The following GALNT9 variants were observed in gnomAD, a reference collection of about 807,000 sequenced individuals.
The protein encoded by GALNT9 is GalNAc transferase 9.
Under a neutral mutation model 63.1 loss-of-function variants are expected in GALNT9, and 47 were observed. The observed-to-expected ratio is 0.75, with a 90% CI of 0.59 to 0.95. The LOEUF (loss-of-function observed/expected upper bound fraction) is 0.95. Ranked by LOEUF, GALNT9 falls within the 40% of genes least tolerant of loss-of-function variation. GALNT9 has a pLI of 0.00. For synonymous variants in GALNT9, 396 were observed against 365.7 expected (o/e 1.08, Z -0.94); for missense variants, 829 against 874.8 (o/e 0.95, Z 0.66).
At chr12:132,213,972 G>A (rs1319750567) in intron 6 of GALNT9, among the ~76,000 whole-genome samples, 2 of 152,190 alleles carry the variant, frequency 1.3e-5, no homozygotes, top group Admixed American at 6.5e-5. Context: ...TGCAGCATGA[G>A]TCCAGGGACA....
intron 2 of GALNT9, chr12:132,277,700 C>G (rs559540110): frequency 6.6e-6 from 1 of 152,476 alleles, no homozygotes; most frequent in African/African-American, 2.4e-5. Flanking sequence ...AGCAACTCAC[C>G]TTCACACAGC....
intron 1 of GALNT9, among the ~76,000 whole-genome samples, chr12:132,291,018 A>ACCCACATCCACAGCG (rs1343349242): frequency 2.8e-5 from 2 of 70,970 alleles, no homozygotes; most frequent in African/African-American, 4.8e-5. Flanking sequence ...CGTCCACACC[A>ACCCACATCCACAGCG]CCCACATCCA....
In GALNT9 at chr12:132,329,150, G is replaced by A. The variant is rs546734843; in HGVS notation, c.54C>T (p.Phe18=). ...ACACGGAGAACAGGACGATGCCCACGAACACCAGGATGTTCACCGTCAGCA... is the reference window on the plus strand; with the variant it reads ...ACACGGAGAACAGGACGATGCCCACAAACACCAGGATGTTCACCGTCAGCA... ...RTLLTVNILV[F]VGIVLFSVYC... is the part of the protein sequence containing the mutation. Residue 18 remains phenylalanine, a synonymous_variant, in exon 1 of 11, where the codon TTC becomes TTT. Transcript: ENST00000328957. 1.9e-6 allele frequency: 3 copies of A among 1,549,358 alleles called. No individual in the cohort carries two copies. The highest frequency in any genetic ancestry group is 2.6e-6 in the Non-Finnish European group (3 of 1,146,422).
At chr12:132,254,605 C>G (rs1055701417) in intron 5 of GALNT9, among the ~76,000 whole-genome samples, 2 of 152,208 alleles carry the variant, frequency 1.3e-5, no homozygotes, top group Admixed American at 1.3e-4. Flanking sequence ...GGCTCTCGCC[C>G]AGACTTTGAT....
intron 2 of GALNT9, among the ~76,000 whole-genome samples, chr12:132,269,866 G>C (rs1879803329): frequency 6.6e-6 from 1 of 152,196 alleles, no homozygotes; most frequent in African/African-American, 2.4e-5. Context: ...GAGGGAGATG[G>C]GCGCACGGGA....
At chr12:132,318,784 G>A (rs906544023) in intron 1 of GALNT9, among the ~76,000 whole-genome samples, 4 of 152,200 alleles carry the variant, frequency 2.6e-5, no homozygotes, top group South Asian at 2.1e-4. Flanking sequence ...CCTACACATC[G>A]TGGGAGCAGG....
chr12:132,228,241 C>T (rs1353494275), intron 6 of GALNT9, among the ~76,000 whole-genome samples: 7 of 151,942 alleles, frequency 4.6e-5, no homozygotes, highest in South Asian at 2.1e-4. Flanking sequence ...CGTCCCTCCC[C>T]GGCGTCCCTC....
chr12:132,327,937 C>T lies in GALNT9; in HGVS notation c.238+1029G>A, dbSNP rs1158379841. ...GGCACATCCGGAGCCCCCGCCTGCC[C>T]GCGTAACCCCAGCTCCCGTCACCTC... On this transcript the variant is annotated intron_variant, in intron 1 of 10. Transcript: ENST00000328957. This position sits in a 1 kb window ranked among gnomAD's most constrained non-coding sequence, Gnocchi z 4.3. 4.6e-5 allele frequency among the ~76,000 whole-genome samples: 7 copies of T among 152,024 alleles called. No individual in the cohort carries two copies. Among genetic ancestry groups the T allele is most frequent in the African/African-American group, 1.7e-4 (7 of 41,390 alleles).
At chr12:132,280,658 G>C (rs1274493494) in intron 2 of GALNT9, 1 of 152,342 alleles carries the variant, frequency 6.6e-6, no homozygotes, top group African/African-American at 2.4e-5. Context: ...GGAGCCCCCA[G>C]ACTCCTGAGC....
In GALNT9 at chr12:132,209,366, A is replaced by AT. The variant is rs200659951; in HGVS notation, c.1078-5677_1078-5676insA. Among the ~76,000 whole-genome samples the AT allele has an allele frequency of 4.7e-3, 665 of 142,588 alleles. 15 individuals carry two copies. In the East Asian group the frequency reaches 0.066, roughly 14 times the overall value. The allele number at this position is 142,588 out of a possible 152,430, so 93.5% of individuals were successfully genotyped here. On this transcript the variant is annotated intron_variant, in intron 6 of 10. Coordinates refer to ENST00000328957, the MANE Select transcript of GALNT9 (RefSeq NM_001122636.2). ...ATGGTGAAATGCCGTCTTTACTAAA[A>AT]AAAATAAATAAATAAATAAATAAAA...
At chr12:132,268,442 C>T (rs1021544370) in intron 2 of GALNT9, among the ~76,000 whole-genome samples, 4 of 152,288 alleles carry the variant, frequency 2.6e-5, no homozygotes, top group Non-Finnish European at 4.4e-5. Context: ...ACCATCAAGT[C>T]CCTGGAAGGG....
rs28547183 is a variant in GALNT9, at chr12:132,247,758, G to T, written c.1077+152C>A. 941 of 1,265,630 alleles carry T rather than the reference G, an allele frequency of 7.4e-4. 20 individuals carry two copies. The African/African-American group carries it at 0.013, about 18-fold the overall frequency. The allele number at this position is 1,265,630 out of a possible 1,614,324, so 78.4% of individuals were successfully genotyped here. ...CACCCCGTCCCCAGATGCCGTGGCC[G>T]CACTCGCCCTCACCCCATCCCCGGA... On this transcript the variant is annotated intron_variant, in intron 6 of 10. Coordinates refer to ENST00000328957, the MANE Select transcript of GALNT9 (RefSeq NM_001122636.2).
At chr12:132,214,110 C>A (rs950840953) in intron 6 of GALNT9, among the ~76,000 whole-genome samples, 1 of 152,206 alleles carries the variant, frequency 6.6e-6, no homozygotes, top group East Asian at 1.9e-4. Context: ...CCAGGAGGGG[C>A]ACTGACCCCA....
intron 6 of GALNT9, among the ~76,000 whole-genome samples, chr12:132,237,385 G>A (rs2136895367): frequency 6.0e-5 from 9 of 149,996 alleles, no homozygotes; most frequent in South Asian, 2.1e-4. Context: ...TGCTTATACC[G>A]TACACAGGTG....
chr12:132,310,190 G>C lies in GALNT9; in HGVS notation c.238+18776C>G, dbSNP rs1881762417. 6.6e-6 allele frequency among the ~76,000 whole-genome samples: 1 copy of C among 152,242 alleles called. No individual in the cohort carries two copies. ...AGACCGAATGCCTCCAGCAGGAGGG[G>C]AGGAGCTGGGATTCACGTGGGGCTG... On this transcript the variant is annotated intron_variant, in intron 1 of 10. Transcript: ENST00000328957. This position sits in a 1 kb window ranked among gnomAD's most constrained non-coding sequence, Gnocchi z 4.8.
chr12:132,224,596 A>G (rs1200426009), intron 6 of GALNT9, among the ~76,000 whole-genome samples: 1 of 85,278 alleles, frequency 1.2e-5, no homozygotes, highest in African/African-American at 4.8e-5. Context: ...CACACAACCC[A>G]CACCCCACAA....
chr12:132,269,930 G>T (rs1190524814), intron 2 of GALNT9, among the ~76,000 whole-genome samples: 1 of 152,224 alleles, frequency 6.6e-6, no homozygotes, highest in Non-Finnish European at 1.5e-5. Flanking sequence ...ACAGCTTTGA[G>T]GCCTGAACAG....
intron 1 of GALNT9, among the ~76,000 whole-genome samples, chr12:132,326,365 T>C (rs542651784): frequency 2.7e-4 from 41 of 152,392 alleles, no homozygotes; most frequent in Middle Eastern, 3.4e-3. Flanking sequence ...CAAACCTTGA[T>C]GTACACATAG....
intron 6 of GALNT9, among the ~76,000 whole-genome samples, chr12:132,240,964 T>A (rs1184446215): frequency 7.2e-6 from 1 of 138,850 alleles, no homozygotes; most frequent in Non-Finnish European, 1.5e-5. Context: ...GGGCCCTCCC[T>A]ATACCCATTA....
Sources: gnomAD v4.1 joint callset for allele counts (sites outside exome capture counted in the v4.1 genomes callset) on GRCh38, gnomAD v4.1.1 for gene constraint, Gnocchi (gnomAD v3.1) non-coding constraint, MANE v1.5 for transcripts, NCBI Gene and HGNC (gene_info 2026-07-23, HGNC 2026-07-21) for gene names.